The following EIF3H variants were observed in gnomAD, a reference collection of about 807,000 sequenced individuals.
EIF3H encodes eukaryotic translation initiation factor 3 subunit H, also known as eIF-3-gamma.
EIF3H carries 26 observed loss-of-function variants against 44.2 expected under a neutral mutation model. The observed-to-expected ratio is 0.59, with a 90% CI of 0.43 to 0.82. EIF3H has a LOEUF of 0.82. Among genes scored for constraint, EIF3H ranks in the 40% least tolerant of loss-of-function variants. The pLI, the probability that EIF3H is intolerant of heterozygous loss-of-function variation, is 0.00. For missense variants in EIF3H, 359 were observed against 432.8 expected (o/e 0.83, Z 1.51); for synonymous variants, 166 against 151.9 (o/e 1.09, Z -0.68).
intron 1 of EIF3H, among the ~76,000 whole-genome samples, chr8:116,730,281 C>T (rs1814929522): frequency 1.3e-5 from 2 of 152,202 alleles, no homozygotes; most frequent in Admixed American, 6.5e-5. Context: ...ACTGCCTAAG[C>T]TCTGTCTCCT....
At chr8:116,699,794 G>GGC (rs1056032761) in intron 2 of EIF3H, among the ~76,000 whole-genome samples, 2 of 103,426 alleles carry the variant, frequency 1.9e-5, no homozygotes, top group African/African-American at 1.2e-4. Flanking sequence ...TGACAGTGCA[G>GGC]GTTTTTTGGT....
intron 2 of EIF3H, among the ~76,000 whole-genome samples, chr8:116,709,730 G>T (rs1201751221): frequency 6.6e-6 from 1 of 152,120 alleles, no homozygotes; most frequent in Non-Finnish European, 1.5e-5. Flanking sequence ...TTTCCAAAAA[G>T]ACTCCATTTA....
intron 1 of EIF3H, among the ~76,000 whole-genome samples, chr8:116,762,900 T>A (rs1248008820): frequency 6.6e-6 from 1 of 152,034 alleles, no homozygotes; most frequent in Non-Finnish European, 1.5e-5. Context: ...GCCAAGATTG[T>A]GCCACTGCAC....
At chr8:116,727,685 T>C (rs1262890384) in intron 1 of EIF3H, among the ~76,000 whole-genome samples, 1 of 152,248 alleles carries the variant, frequency 6.6e-6, no homozygotes, top group Non-Finnish European at 1.5e-5. Flanking sequence ...AATGGCAATA[T>C]GGAGTTGCAG....
chr8:116,720,635 G>A (rs1814727732), intron 2 of EIF3H, among the ~76,000 whole-genome samples: 2 of 152,206 alleles, frequency 1.3e-5, no homozygotes, highest in Non-Finnish European at 2.9e-5. Context: ...GGAGGGCTCA[G>A]AAGACAGAAA....
intron 1 of EIF3H, among the ~76,000 whole-genome samples, chr8:116,764,551 CT>C (rs1169708714): frequency 2.0e-5 from 3 of 152,210 alleles, no homozygotes; most frequent in East Asian, 3.9e-4. Context: ...AATAGTACCC[CT>C]CTCCCTCAAT....
intron 1 of EIF3H, among the ~76,000 whole-genome samples, chr8:116,738,034 C>CAAAAAA (rs750259420): frequency 7.3e-5 from 5 of 68,516 alleles, no homozygotes; most frequent in East Asian, 3.1e-4. Context: ...GGCTCCATCT[C>CAAAAAA]AAAAAAAAAA....
chr8:116,681,805 G>A (rs1813994243), intron 2 of EIF3H, among the ~76,000 whole-genome samples: 1 of 151,958 alleles, frequency 6.6e-6, no homozygotes, highest in Admixed American at 6.6e-5. Context: ...ATACTGTTCT[G>A]ATAATTTTAT....
intron 2 of EIF3H, among the ~76,000 whole-genome samples, chr8:116,714,032 A>AT (rs1362425325): frequency 6.6e-6 from 1 of 152,140 alleles, no homozygotes; most frequent in Non-Finnish European, 1.5e-5. Flanking sequence ...ACTTTCATGT[A>AT]TAAAAACAAA....
chr8:116,697,089 T>C (rs1814281942), intron 2 of EIF3H: 1 of 456,144 alleles, frequency 2.2e-6, no homozygotes, highest in Non-Finnish European at 4.4e-6. Flanking sequence ...GAGGCCTCCA[T>C]CACCACCCAG....
intron 1 of EIF3H, among the ~76,000 whole-genome samples, chr8:116,765,321 T>C (rs1322573965): frequency 6.6e-6 from 1 of 152,208 alleles, no homozygotes; most frequent in African/African-American, 2.4e-5. Flanking sequence ...AGGGCTAACA[T>C]TATAGATCTT....
intron 2 of EIF3H, among the ~76,000 whole-genome samples, chr8:116,668,743 G>A (rs149829553): frequency 6.6e-6 from 1 of 151,946 alleles, no homozygotes; most frequent in Admixed American, 6.6e-5. Flanking sequence ...GCTGGGCAGC[G>A]GGGGGTGGGC....
intron 1 of EIF3H, among the ~76,000 whole-genome samples, chr8:116,731,844 A>T (rs1814954737): frequency 6.6e-6 from 1 of 152,220 alleles, no homozygotes; most frequent in Non-Finnish European, 1.5e-5. Flanking sequence ...ATTATGCCTC[A>T]AGGGACAGAA....
At chr8:116,723,980 T>A (rs186459550) in intron 2 of EIF3H, among the ~76,000 whole-genome samples, 1 of 152,340 alleles carries the variant, frequency 6.6e-6, no homozygotes, top group East Asian at 1.9e-4. Flanking sequence ...AAAATTCATA[T>A]GGAATCTCAA....
intron 2 of EIF3H, among the ~76,000 whole-genome samples, chr8:116,686,480 TAC>T (rs1309661029): frequency 1.3e-5 from 2 of 152,154 alleles, no homozygotes; most frequent in African/African-American, 2.4e-5. Flanking sequence ...CATCAGTCAT[TAC>T]AGAGTCAGTC....
At chr8:116,751,217 A>T (rs7350128) in intron 1 of EIF3H, among the ~76,000 whole-genome samples, 91 of 147,202 alleles carry the variant, frequency 6.2e-4, no homozygotes, top group African/African-American at 1.8e-3. Context: ...GTCTCAAAAA[A>T]AAAATAAAAT....
intron 2 of EIF3H, among the ~76,000 whole-genome samples, chr8:116,711,484 A>G (rs920445669): frequency 6.6e-6 from 1 of 152,226 alleles, no homozygotes; most frequent in African/African-American, 2.4e-5. Context: ...CACATTACCA[A>G]TAATCCTGGT....
intron 2 of EIF3H, among the ~76,000 whole-genome samples, chr8:116,661,344 C>T (rs1813584038): frequency 6.6e-6 from 1 of 152,130 alleles, no homozygotes; most frequent in East Asian, 1.9e-4. Context: ...ACTTATGCAA[C>T]GTATTAGTAT....
chr8:116,653,763 A>G (rs1281708474), intron 5 of EIF3H, among the ~76,000 whole-genome samples: 1 of 152,242 alleles, frequency 6.6e-6, no homozygotes, highest in Non-Finnish European at 1.5e-5. Context: ...AAAGGCTGTT[A>G]TGGAATAACT....
Sources: allele counts gnomAD v4.1 joint callset (sites outside exome capture counted in the v4.1 genomes callset), GRCh38; gene constraint gnomAD v4.1.1; transcripts MANE v1.5; gene names NCBI Gene and HGNC (gene_info 2026-07-23, HGNC 2026-07-21).